Variants in NWD2 observed in about 807,000 individuals in gnomAD.
The protein encoded by NWD2 is NACHT and WD repeat domain containing 2.
NWD2 carries 37 observed loss-of-function variants against 132.7 expected under a neutral mutation model. That is an observed-to-expected ratio of 0.28 (90% CI 0.21 to 0.37). The LOEUF is 0.37. Ranked by LOEUF, NWD2 falls within the 10% of genes least tolerant of loss-of-function variation. The probability of loss-of-function intolerance (pLI) is 1.00; values close to 1 mark genes in which losing one functional copy is unlikely to be tolerated. For missense variants in NWD2, 1,592 were observed against 2,122.4 expected (o/e 0.75, Z 4.91); for synonymous variants, 705 against 803.0 (o/e 0.88, Z 2.06).
chr4:37,367,376 CAG>C (rs774659744), intron 3 of NWD2, among the ~76,000 whole-genome samples: 1 of 151,730 alleles, frequency 6.6e-6, no homozygotes, highest in East Asian at 1.9e-4. Context: ...TTAGAAAAAA[CAG>C]AAATCCATTA....
chr4:37,274,541 A>G (rs758565264), intron 1 of NWD2, among the ~76,000 whole-genome samples: 20 of 152,224 alleles, frequency 1.3e-4, no homozygotes, highest in Non-Finnish European at 2.6e-4. Flanking sequence ...AAACTATTCC[A>G]ATCAATAGAA....
At chr4:37,384,328 A>G (rs1467579496) in intron 3 of NWD2, among the ~76,000 whole-genome samples, 1 of 152,090 alleles carries the variant, frequency 6.6e-6, no homozygotes, top group African/African-American at 2.4e-5. Flanking sequence ...CATTCTTCAA[A>G]GCGTTTGCGT....
intron 1 of NWD2, among the ~76,000 whole-genome samples, chr4:37,300,146 G>A (rs1373473833): frequency 6.6e-6 from 1 of 152,088 alleles, no homozygotes; most frequent in Non-Finnish European, 1.5e-5. Flanking sequence ...CTGATCATCG[G>A]ACAAAACTAA....
Position 37,250,790 on chromosome 4 carries a change from G to C in NWD2, c.151+5572G>C, listed in dbSNP as rs142508640. Among the ~76,000 whole-genome samples the C allele has an allele frequency of 2.6e-4, 40 of 152,258 alleles. No homozygotes were observed. In the East Asian group the frequency reaches 7.5e-3, roughly 29 times the overall value. On this transcript the variant is annotated intron_variant, in intron 1 of 6. Coordinates refer to ENST00000309447, the MANE Select transcript of NWD2 (RefSeq NM_001144990.2). ...GGGAAATGTGTCCTTAGTCAATTTT[G>C]TCATTGTATGAACATCGTAGTGTAC... is the stretch of plus-strand genomic sequence containing the variant.
intron 4 of NWD2, among the ~76,000 whole-genome samples, chr4:37,433,159 G>A (rs1451857979): frequency 6.6e-6 from 1 of 152,296 alleles, no homozygotes; most frequent in East Asian, 1.9e-4. Context: ...TTCTCTGGGT[G>A]AGAATATTGG....
intron 1 of NWD2, among the ~76,000 whole-genome samples, chr4:37,250,678 T>G (rs903552138): frequency 6.6e-6 from 1 of 152,202 alleles, no homozygotes; most frequent in Admixed American, 6.5e-5. Context: ...TATAAATATA[T>G]CCTGCCCTCA....
At chr4:37,326,231 G>A (rs1719170332) in intron 2 of NWD2, among the ~76,000 whole-genome samples, 1 of 151,988 alleles carries the variant, frequency 6.6e-6, no homozygotes. Flanking sequence ...GTGCTTCTTG[G>A]ACCCTTCCTG....
intron 1 of NWD2, among the ~76,000 whole-genome samples, chr4:37,280,931 G>A (rs140239530): frequency 9.2e-5 from 14 of 152,262 alleles, no homozygotes; most frequent in African/African-American, 2.9e-4. Flanking sequence ...TGGTGCTGTG[G>A]CTCACAGGGT....
At chr4:37,337,905 G>A (rs1027868063) in intron 2 of NWD2, among the ~76,000 whole-genome samples, 6 of 151,872 alleles carry the variant, frequency 4.0e-5, no homozygotes, top group Admixed American at 6.6e-5. Context: ...TTCAACTCTT[G>A]GCTTAGTCCA....
intron 3 of NWD2, among the ~76,000 whole-genome samples, chr4:37,408,130 GTTCT>G (rs1560414722): frequency 6.6e-6 from 1 of 152,192 alleles, no homozygotes; most frequent in Non-Finnish European, 1.5e-5. Flanking sequence ...AGCTGCAGGA[GTTCT>G]TTTTTTCCAT....
chr4:37,390,606 A>G lies in NWD2; in HGVS notation c.357+34124A>G, dbSNP rs146337142. Among the ~76,000 whole-genome samples, 550 of 152,184 alleles carry G rather than the reference A, an allele frequency of 3.6e-3. 12 individuals are homozygous for G. The highest frequency in any genetic ancestry group is 0.027 in the Middle Eastern group (8 of 294). ...CTGGGCATCATGATGTTTAAAACCT[A>G]CTCAGGCGATTATCTGTGCAGCTGA... is the stretch of plus-strand genomic sequence containing the variant. On this transcript the variant is annotated intron_variant, in intron 3 of 6. Transcript: ENST00000309447.
At chr4:37,341,171 T>A (rs1273441897) in intron 2 of NWD2, among the ~76,000 whole-genome samples, 1 of 152,240 alleles carries the variant, frequency 6.6e-6, no homozygotes, top group African/African-American at 2.4e-5. Context: ...ATTCTTTGAA[T>A]TACATGAGAT....
intron 3 of NWD2, among the ~76,000 whole-genome samples, chr4:37,425,628 AGT>A (rs1374403943): frequency 5.9e-5 from 9 of 152,228 alleles, no homozygotes; most frequent in African/African-American, 2.2e-4. Context: ...ATGGATCAAC[AGT>A]GTAACTCATA....
At chr4:37,350,895 G>C (rs1014368966) in intron 2 of NWD2, among the ~76,000 whole-genome samples, 1 of 152,148 alleles carries the variant, frequency 6.6e-6, no homozygotes, top group South Asian at 2.1e-4. Flanking sequence ...TAGCATAAAG[G>C]GGTGTTGAAT....
chr4:37,277,613 C>T (rs1209859483), intron 1 of NWD2, among the ~76,000 whole-genome samples: 1 of 151,916 alleles, frequency 6.6e-6, no homozygotes, highest in Non-Finnish European at 1.5e-5. Flanking sequence ...TCTTGATTAT[C>T]TCTATTTATT....
At chr4:37,370,675 C>G (rs1720198690) in intron 3 of NWD2, among the ~76,000 whole-genome samples, 1 of 152,176 alleles carries the variant, frequency 6.6e-6, no homozygotes, top group Non-Finnish European at 1.5e-5. Context: ...CAGTGAAGTA[C>G]TGGACTCAAC....
At chr4:37,389,086 C>T (rs577759871) in intron 3 of NWD2, among the ~76,000 whole-genome samples, 2 of 152,226 alleles carry the variant, frequency 1.3e-5, no homozygotes, top group East Asian at 3.9e-4. Context: ...AAGAAACACC[C>T]CTCTGAGAAG....
rs189795253 is a variant in NWD2, at chr4:37,349,253, G to A, written c.241-7113G>A. Among the ~76,000 whole-genome samples, 268 of 152,174 alleles carry A rather than the reference G, an allele frequency of 1.8e-3. 1 individual carries two copies. Among genetic ancestry groups the A allele is most frequent in the African/African-American group, 6.0e-3 (251 of 41,516 alleles). On this transcript the variant is annotated intron_variant, in intron 2 of 6. Transcript: ENST00000309447. The stretch of plus-strand genomic sequence containing the variant: ...TCTGTTTCTAGATCCTTGAGGAATC[G>A]CCACACTGTCTTCCACAGTGGTCAA...
chr4:37,430,524 G>C (rs1241106199), intron 3 of NWD2, 48 bp from the exon 4 acceptor site: 6 of 1,342,084 alleles, frequency 4.5e-6, no homozygotes. Flanking sequence ...ATACTAAAAT[G>C]AACTTTCTTG....
Sources: gnomAD v4.1 joint callset for allele counts (sites outside exome capture counted in the v4.1 genomes callset) on GRCh38, gnomAD v4.1.1 for gene constraint, MANE v1.5 for transcripts, NCBI Gene and HGNC (gene_info 2026-07-23, HGNC 2026-07-21) for gene names.